The following TMEM131L variants were observed in gnomAD, a reference collection of about 807,000 sequenced individuals.
TMEM131L encodes the protein transmembrane 131 like.
TMEM131L carries 54 observed loss-of-function variants against 192.2 expected under a neutral mutation model. The observed-to-expected ratio is 0.28, with a 90% CI of 0.23 to 0.35. The LOEUF (loss-of-function observed/expected upper bound fraction) is 0.35, where lower values mean the gene tolerates loss of function less well. TMEM131L is among the 10% of genes least tolerant of loss of function. The pLI, the probability that TMEM131L is intolerant of heterozygous loss-of-function variation, is 1.00. For synonymous variants in TMEM131L, 701 were observed against 704.9 expected, an observed-to-expected ratio of 0.99 and a Z score of 0.09; for missense variants, 1,888 against 1,972.9, an observed-to-expected ratio of 0.96 and a Z score of 0.82.
chr4:153,489,302 G>A (rs191160338), intron 3 of TMEM131L, among the ~76,000 whole-genome samples: 3 of 152,180 alleles, frequency 2.0e-5, no homozygotes, highest in East Asian at 1.9e-4. Flanking sequence ...ACCAGTCTAC[G>A]GCAGCTTTGG....
In TMEM131L at chr4:153,586,326, A is replaced by G. The variant is rs1454771055; in HGVS notation, c.1429A>G (p.Asn477Asp). The G allele has an allele frequency of 1.9e-6, 3 of 1,604,910 alleles. No homozygotes were observed. The highest frequency in any genetic ancestry group is 2.5e-6 in the Non-Finnish European group (3 of 1,176,894). Residue 477 changes from asparagine to aspartate, a missense_variant, in exon 14 of 35, where the codon AAC (asparagine) becomes GAC (aspartate). Physicochemically the swap from Asn to Asp is conservative, Grantham distance 23. Coordinates refer to ENST00000409959, the MANE Select transcript of TMEM131L (RefSeq NM_001131007.2). The part of the protein sequence containing the change: ...NLFTNVFLTT[N>D]IGAIFAIPLQ... The stretch of plus-strand genomic sequence containing the variant: ...ATTCACCAATGTATTTTTGACTACA[A>G]ACATAGGTGCCATTTTTGCAATACC...
intron 21 of TMEM131L, among the ~76,000 whole-genome samples, chr4:153,600,730 G>A (rs1336441539): frequency 1.3e-5 from 2 of 152,194 alleles, no homozygotes; most frequent in African/African-American, 4.8e-5. Context: ...GAAACCATTG[G>A]ATAATTTGCA....
chr4:153,533,589 T>A (rs1736085054), intron 3 of TMEM131L, among the ~76,000 whole-genome samples: 1 of 152,144 alleles, frequency 6.6e-6, no homozygotes, highest in Admixed American at 6.5e-5. Flanking sequence ...GTCAAAGCAT[T>A]TGAACCAGGC....
At position 153,467,285 on chromosome 4, in the gene TMEM131L, A is replaced by G; in HGVS notation, c.195+4A>G. 6.4e-7 allele frequency: 1 copy of G among 1,551,392 alleles called. No homozygotes were observed. Among genetic ancestry groups the G allele is most frequent in the Non-Finnish European group, 8.7e-7 (1 of 1,146,708 alleles). On this transcript the variant is annotated splice_donor_region_variant and intron_variant, in intron 2 of 34. Coordinates refer to ENST00000409959, the MANE Select transcript of TMEM131L (RefSeq NM_001131007.2). Reference sequence around the variant, plus strand: ...GGAACTCCTGCTGCCCACTCAGGTGAGGACGACCAGGTGACAGGGCGGCTG... The same window carrying G: ...GGAACTCCTGCTGCCCACTCAGGTGGGGACGACCAGGTGACAGGGCGGCTG...
chr4:153,506,088 TA>T (rs2150033677), intron 3 of TMEM131L, among the ~76,000 whole-genome samples: 1 of 152,274 alleles, frequency 6.6e-6, no homozygotes, highest in East Asian at 1.9e-4. Context: ...AAAACAATAG[TA>T]GAGTCGAACT....
At chr4:153,623,253 C>G (rs114244428) in intron 29 of TMEM131L, among the ~76,000 whole-genome samples, 170 bp downstream of exon 29, 224 of 152,306 alleles carry the variant, frequency 1.5e-3, no homozygotes, top group Non-Finnish European at 2.8e-3. Flanking sequence ...CCTCCCTCCC[C>G]CTTCCCCTCC....
chr4:153,632,914 G>C, intron 32 of TMEM131L, 76 bp downstream of exon 32: 1 of 1,549,270 alleles, frequency 6.5e-7, no homozygotes, highest in Admixed American at 1.8e-5. Context: ...CAGTTTCTTA[G>C]GGTTTCCTTA....
At chr4:153,586,136 A>T in intron 13 of TMEM131L, 73 bp from the exon 14 acceptor site, 1 of 1,111,698 alleles carries the variant, frequency 9.0e-7, no homozygotes, top group Non-Finnish European at 1.3e-6. Flanking sequence ...GAATGTTAGC[A>T]TCATACTTTA....
chr4:153,623,324 C>T (rs773145929), intron 29 of TMEM131L, among the ~76,000 whole-genome samples: 2 of 152,100 alleles, frequency 1.3e-5, no homozygotes, highest in African/African-American at 2.4e-5. Flanking sequence ...GTTCAGAGAG[C>T]TTCTGTATTT....
intron 3 of TMEM131L, among the ~76,000 whole-genome samples, chr4:153,544,724 C>T (rs1470168406): frequency 6.6e-6 from 1 of 152,198 alleles, no homozygotes; most frequent in Non-Finnish European, 1.5e-5. Flanking sequence ...TCTCCAAAGG[C>T]TTTGCTGAGT....
intron 7 of TMEM131L, among the ~76,000 whole-genome samples, chr4:153,567,584 AC>A (rs1729308197): frequency 1.4e-5 from 2 of 147,082 alleles, no homozygotes; most frequent in African/African-American, 5.1e-5. Context: ...GGCTCTTGTC[AC>A]CCAGGCTGGA....
chr4:153,542,376 A>G (rs989934129), intron 3 of TMEM131L, among the ~76,000 whole-genome samples: 4 of 145,550 alleles, frequency 2.7e-5, no homozygotes, highest in Non-Finnish European at 6.0e-5. Flanking sequence ...GGCTGTGATC[A>G]TTTATGACCT....
intron 3 of TMEM131L, among the ~76,000 whole-genome samples, chr4:153,533,501 C>G (rs1736076342): frequency 6.6e-6 from 1 of 152,182 alleles, no homozygotes; most frequent in Non-Finnish European, 1.5e-5. Flanking sequence ...GATTACAGAT[C>G]TATTCATTCA....
chr4:153,524,131 GTTTTTT>G (rs57178282), intron 3 of TMEM131L, among the ~76,000 whole-genome samples: 1 of 122,734 alleles, frequency 8.1e-6, no homozygotes, highest in African/African-American at 3.1e-5. Context: ...TTTCACTTCT[GTTTTTT>G]TTTTTTTTTT....
At chr4:153,540,194 T>G (rs1164297717) in intron 3 of TMEM131L, among the ~76,000 whole-genome samples, 2 of 152,118 alleles carry the variant, frequency 1.3e-5, no homozygotes, top group Admixed American at 1.3e-4. Flanking sequence ...AAAATATTAT[T>G]CCGGGTCATA....
chr4:153,576,634 C>T (rs1729960411), intron 7 of TMEM131L, among the ~76,000 whole-genome samples: 1 of 148,246 alleles, frequency 6.7e-6, no homozygotes, highest in South Asian at 2.1e-4. Flanking sequence ...ATTGCCTTGT[C>T]AGGTTAAGAC....
chr4:153,551,565 AGGCTAGTCTC>A (rs1737623883), intron 4 of TMEM131L, among the ~76,000 whole-genome samples: 2 of 152,056 alleles, frequency 1.3e-5, no homozygotes, highest in South Asian at 4.2e-4. Context: ...CATGTTGGCC[AGGCTAGTCTC>A]AAACTCCTGA....
chr4:153,594,011 T>C (rs567745088), intron 19 of TMEM131L, 140 bp downstream of exon 19: 1 of 634,778 alleles, frequency 1.6e-6, no homozygotes, highest in African/African-American at 1.8e-5. Flanking sequence ...GCATTAACGA[T>C]ACATAGCAGA....
In TMEM131L at chr4:153,578,085, G is replaced by A. The variant is rs145865831; in HGVS notation, c.661-2741G>A. On this transcript the variant is annotated intron_variant, in intron 7 of 34. Coordinates refer to ENST00000409959, the MANE Select transcript of TMEM131L (RefSeq NM_001131007.2). ...GAGAAAGAAAAACCGAGAGGGACAAGTGGTTCAGGCTGTAACAGGACAGGG... is the reference window on the plus strand; with the variant it reads ...GAGAAAGAAAAACCGAGAGGGACAAATGGTTCAGGCTGTAACAGGACAGGG... Among the ~76,000 whole-genome samples the A allele has an allele frequency of 3.3e-5, 5 of 152,350 alleles. No homozygotes were observed. The East Asian group carries it at 9.7e-4, about 29-fold the overall frequency.
Sources: gnomAD v4.1 joint callset for allele counts (sites outside exome capture counted in the v4.1 genomes callset) on GRCh38, gnomAD v4.1.1 for gene constraint, MANE v1.5 for transcripts, NCBI Gene and HGNC (gene_info 2026-07-23, HGNC 2026-07-21) for gene names.